The following ZNF423 variants were observed in gnomAD, a reference collection of about 807,000 sequenced individuals.
ZNF423 encodes Ebf-associated zinc finger protein.
In ZNF423, 12 loss-of-function variants were observed where a neutral mutation model predicts 95.8. The ratio of observed to expected loss-of-function variants is 0.13; its 90% CI spans 0.08 to 0.20. ZNF423 has a LOEUF of 0.20. Ranked by LOEUF, ZNF423 falls within the 10% of genes least tolerant of loss-of-function variation. The pLI is 1.00. For missense variants in ZNF423, 1,316 were observed against 1,737.1 expected (o/e 0.76, Z 4.31); for synonymous variants, 749 against 711.9 (o/e 1.05, Z -0.83).
intron 2 of ZNF423, among the ~76,000 whole-genome samples, chr16:49,744,926 ATGC>A (rs1364489267): frequency 6.6e-6 from 1 of 152,186 alleles, no homozygotes; most frequent in Non-Finnish European, 1.5e-5. Flanking sequence ...CTTTTATTAA[ATGC>A]TGCTAATTTT....
intron 3 of ZNF423, among the ~76,000 whole-genome samples, chr16:49,647,545 T>TGCC (rs1973225765): frequency 1.3e-5 from 2 of 152,278 alleles, no homozygotes; most frequent in East Asian, 3.9e-4. Flanking sequence ...TCCTTAAATG[T>TGCC]GCAGGAGGGA....
chr16:49,798,042 T>G (rs2034526284), intron 1 of ZNF423, among the ~76,000 whole-genome samples: 1 of 152,030 alleles, frequency 6.6e-6, no homozygotes, highest in Non-Finnish European at 1.5e-5. Context: ...AGATACTATC[T>G]CCATAAAAAA....
chr16:49,622,911 C>A (rs1224401296), intron 5 of ZNF423, among the ~76,000 whole-genome samples: 1 of 152,192 alleles, frequency 6.6e-6, no homozygotes, highest in Non-Finnish European at 1.5e-5. Context: ...GCAGTGTCTT[C>A]TATGGGATGA....
chr16:49,695,084 C>T (rs1381607665), intron 3 of ZNF423, among the ~76,000 whole-genome samples: 2 of 152,150 alleles, frequency 1.3e-5, no homozygotes, highest in Non-Finnish European at 2.9e-5. Context: ...GCAGCTCAGG[C>T]GAAGGATCCC....
At chr16:49,495,188 G>C (rs140532126) in intron 7 of ZNF423, among the ~76,000 whole-genome samples, 8 of 152,186 alleles carry the variant, frequency 5.3e-5, no homozygotes, top group Admixed American at 2.0e-4. Flanking sequence ...AGAGCAGGAG[G>C]GGGTGGGCAG....
intron 3 of ZNF423, among the ~76,000 whole-genome samples, chr16:49,677,753 C>CAAA (rs776853564): frequency 2.4e-5 from 2 of 84,698 alleles, no homozygotes; most frequent in African/African-American, 7.3e-5. Context: ...GACCCTGTCT[C>CAAA]AAAAAAAAAA....
intron 3 of ZNF423, among the ~76,000 whole-genome samples, chr16:49,639,677 G>A (rs1972903508): frequency 6.6e-6 from 1 of 152,164 alleles, no homozygotes; most frequent in Admixed American, 6.5e-5. Flanking sequence ...ATTGGAGGAT[G>A]AATGAGGACA....
intron 3 of ZNF423, among the ~76,000 whole-genome samples, chr16:49,713,401 C>T (rs2032604822): frequency 1.3e-5 from 2 of 152,222 alleles, no homozygotes; most frequent in Non-Finnish European, 2.9e-5. Flanking sequence ...TTGGTCCATT[C>T]CTGCTCTGTG....
At chr16:49,816,368 T>C (rs1293707749) in intron 1 of ZNF423, among the ~76,000 whole-genome samples, 1 of 152,180 alleles carries the variant, frequency 6.6e-6, no homozygotes, top group Non-Finnish European at 1.5e-5. Flanking sequence ...TGAGCTAAAA[T>C]GACATGAGAG....
chr16:49,519,966 C>T (rs754211233), intron 7 of ZNF423, among the ~76,000 whole-genome samples: 3 of 152,194 alleles, frequency 2.0e-5, no homozygotes, highest in Middle Eastern at 3.2e-3. Flanking sequence ...TTCATGCCAT[C>T]GGGCCTCAGC....
At chr16:49,778,691 G>A (rs1012059192) in intron 2 of ZNF423, among the ~76,000 whole-genome samples, 3 of 152,228 alleles carry the variant, frequency 2.0e-5, no homozygotes, top group Non-Finnish European at 4.4e-5. Context: ...GAGATTGCCA[G>A]TCACGATGTG....
chr16:49,715,672 G>A (rs1334406740), intron 3 of ZNF423, among the ~76,000 whole-genome samples: 1 of 152,042 alleles, frequency 6.6e-6, no homozygotes, highest in African/African-American at 2.4e-5. Flanking sequence ...TTGAGCCCAG[G>A]AGTTCAAGGC....
At chr16:49,604,743 A>T (rs1190209971) in intron 5 of ZNF423, among the ~76,000 whole-genome samples, 1 of 152,078 alleles carries the variant, frequency 6.6e-6, no homozygotes, top group Non-Finnish European at 1.5e-5. Context: ...CAAGGCTCAG[A>T]ATTTTGCATT....
At chr16:49,699,543 A>G (rs2032098374) in intron 3 of ZNF423, among the ~76,000 whole-genome samples, 1 of 152,146 alleles carries the variant, frequency 6.6e-6, no homozygotes, top group Non-Finnish European at 1.5e-5. Context: ...TGATGCTGGA[A>G]GGAGGTTTGC....
intron 7 of ZNF423, among the ~76,000 whole-genome samples, chr16:49,505,452 C>T (rs761019596): frequency 2.0e-5 from 3 of 152,182 alleles, no homozygotes; most frequent in Non-Finnish European, 2.9e-5. Flanking sequence ...ACTGTTCTGG[C>T]GGATATTCTG....
chr16:49,523,948 G>A (rs1400903414), intron 6 of ZNF423, among the ~76,000 whole-genome samples: 1 of 152,168 alleles, frequency 6.6e-6, no homozygotes, highest in East Asian at 1.9e-4. Flanking sequence ...GTGCAACCCT[G>A]GGTAAGTCAC....
intron 3 of ZNF423, among the ~76,000 whole-genome samples, chr16:49,681,644 G>A (rs1276031687): frequency 6.6e-6 from 1 of 152,256 alleles, no homozygotes; most frequent in African/African-American, 2.4e-5. Context: ...TGGCCTGCCA[G>A]CAAGGGCAGC....
At chr16:49,783,376 G>T (rs577833837) in intron 2 of ZNF423, among the ~76,000 whole-genome samples, 2 of 148,764 alleles carry the variant, frequency 1.3e-5, no homozygotes, top group African/African-American at 2.5e-5. Context: ...AGCAGGCTGG[G>T]ATGGGCGGGA....
intron 3 of ZNF423, among the ~76,000 whole-genome samples, chr16:49,682,595 G>A (rs565481832): frequency 1.8e-4 from 27 of 152,310 alleles, no homozygotes; most frequent in African/African-American, 6.3e-4. Flanking sequence ...ATGCCGCCCC[G>A]AGTATGACAG....
Sources: gnomAD v4.1 joint callset for allele counts (sites outside exome capture counted in the v4.1 genomes callset) on GRCh38, gnomAD v4.1.1 for gene constraint, MANE v1.5 for transcripts, NCBI Gene and HGNC (gene_info 2026-07-23, HGNC 2026-07-21) for gene names.